MFAP1: variants seen among roughly 807,000 people sequenced by gnomAD.
MFAP1 encodes microfibrillar-associated protein 1.
A neutral mutation model predicts 62.2 loss-of-function variants in MFAP1; 18 were observed. The observed-to-expected ratio is 0.29, with a 90% CI of 0.20 to 0.43. MFAP1 has a LOEUF of 0.43. Among genes scored for constraint, MFAP1 ranks in the 20% least tolerant of loss-of-function variants. MFAP1 has a pLI of 1.00. For missense variants in MFAP1, 355 were observed against 559.7 expected (o/e 0.63, Z 3.69); for synonymous variants, 175 against 180.4 (o/e 0.97, Z 0.24).
chr15:43,819,289 TA>T (rs2087453172), intron 1 of MFAP1, among the ~76,000 whole-genome samples: 1 of 152,192 alleles, frequency 6.6e-6, no homozygotes, highest in African/African-American at 2.4e-5. Flanking sequence ...TTTTACTTTT[TA>T]AAATTTTATT....
At chr15:43,818,364 C>G (rs1287452751) in intron 1 of MFAP1, among the ~76,000 whole-genome samples, 1 of 152,052 alleles carries the variant, frequency 6.6e-6, no homozygotes. Flanking sequence ...GAAAACTAAC[C>G]AACTTATTTT....
chr15:43,813,372 T>A lies in MFAP1; in HGVS notation c.618-15A>T, dbSNP rs2087414951. 2 of 1,597,752 alleles carry A rather than the reference T, an allele frequency of 1.3e-6. No individual in the cohort carries two copies. The highest frequency in any genetic ancestry group is 1.7e-6 in the Non-Finnish European group (2 of 1,175,612). On this transcript the variant is annotated splice_polypyrimidine_tract_variant and intron_variant, in intron 4 of 8. Transcript: ENST00000267812. ...CTCGGTCCTTCCTGCATCACAGAGA[T>A]CCTGTTAATTGCCCAAAGTCCTTAG...
chr15:43,813,112 C>T lies in MFAP1; in HGVS notation c.762G>A (p.Glu254=). Residue 254 remains glutamate (E), a synonymous_variant, in exon 6 of 9, where the codon GAG becomes GAA. Coordinates refer to ENST00000267812, the MANE Select transcript of MFAP1 (RefSeq NM_005926.3). ...VEEETKKELE[E]NKRSLAALDA... ...CCAATGCAGCCAGGGATCGCTTGTT[C>T]TCTTCCAGCTCTTTTTTGGTTTCCT... 6.2e-7 allele frequency: 1 copy of T among 1,614,168 alleles called. No individual in the cohort carries two copies.
intron 7 of MFAP1, among the ~76,000 whole-genome samples, chr15:43,805,760 A>G (rs2087360305): frequency 6.6e-6 from 1 of 151,898 alleles, no homozygotes; most frequent in Non-Finnish European, 1.5e-5. Context: ...CTACAGGTGC[A>G]TGCCACCACA....
intron 2 of MFAP1, 140 bp from the exon 3 acceptor site, chr15:43,815,214 C>T: frequency 9.2e-7 from 1 of 1,083,360 alleles, no homozygotes; most frequent in Non-Finnish European, 1.3e-6. Flanking sequence ...GGGTCTTGCT[C>T]TGTCGCCCAG....
intron 1 of MFAP1, among the ~76,000 whole-genome samples, chr15:43,822,300 T>C (rs1448963825): frequency 3.4e-5 from 5 of 148,770 alleles, no homozygotes; most frequent in Admixed American, 3.4e-4. Flanking sequence ...GGGCAAAAAA[T>C]GTAAAAATCT....
At chr15:43,808,922 A>ATC in intron 7 of MFAP1, among the ~76,000 whole-genome samples, 1 of 152,262 alleles carries the variant, frequency 6.6e-6, no homozygotes, top group Non-Finnish European at 1.5e-5. Context: ...TCTTTATATG[A>ATC]AAAACAAAGA....
chr15:43,806,477 TCTA>T (rs774484161), intron 7 of MFAP1, among the ~76,000 whole-genome samples: 1 of 152,230 alleles, frequency 6.6e-6, no homozygotes, highest in Non-Finnish European at 1.5e-5. Flanking sequence ...TTAGTTTTCC[TCTA>T]CTATCAGTCT....
chr15:43,814,733 C>T (rs2087423732), intron 3 of MFAP1, 45 bp from the exon 4 acceptor site: 1 of 1,588,880 alleles, frequency 6.3e-7, no homozygotes, highest in Non-Finnish European at 8.6e-7. Context: ...TGGCCTATGG[C>T]TTTTTGTTCG....
intron 2 of MFAP1, among the ~76,000 whole-genome samples, 156 bp from the exon 3 acceptor site, chr15:43,815,230 A>G (rs1596057456): frequency 6.6e-6 from 1 of 151,908 alleles, no homozygotes; most frequent in Non-Finnish European, 1.5e-5. Context: ...CCCAGGCTGC[A>G]GTGCAGTGGT....
chr15:43,805,006 G>A lies in MFAP1; in HGVS notation c.*88C>T. The A allele has an allele frequency of 1.5e-6, 2 of 1,377,796 alleles. No homozygotes were observed. The highest frequency in any genetic ancestry group is 2.9e-5 in the South Asian group (2 of 69,894). 85.3% of individuals were successfully genotyped at this position (1,377,796 alleles called of 1,614,324 possible). ...GTAAGTCCAATATCTGGATACAGGG[G>A]CCAAGGAAACAATGAAAAAACCAAA... On this transcript the variant is annotated 3_prime_UTR_variant, in exon 9 of 9. Transcript: ENST00000267812.
At chr15:43,822,031 CAGA>C (rs1310504690) in intron 1 of MFAP1, among the ~76,000 whole-genome samples, 2 of 151,632 alleles carry the variant, frequency 1.3e-5, no homozygotes, top group Non-Finnish European at 2.9e-5. Flanking sequence ...ACAAAGCAAA[CAGA>C]AAGTGGGTAA....
At chr15:43,818,669 G>T (rs1172849096) in intron 1 of MFAP1, among the ~76,000 whole-genome samples, 3 of 152,068 alleles carry the variant, frequency 2.0e-5, no homozygotes, top group Non-Finnish European at 2.9e-5. Context: ...GAGGCAGGAG[G>T]ATTGCTTAAA....
At chr15:43,811,765 C>T (rs888825549) in intron 6 of MFAP1, among the ~76,000 whole-genome samples, 1 of 152,042 alleles carries the variant, frequency 6.6e-6, no homozygotes, top group Non-Finnish European at 1.5e-5. Context: ...GCCTCAGCCA[C>T]CCAAAGTGCT....
intron 2 of MFAP1, 110 bp from the exon 3 acceptor site, chr15:43,815,184 G>T: frequency 2.3e-5 from 27 of 1,180,042 alleles, no homozygotes; most frequent in South Asian, 3.1e-5. Context: ...TAATACTGAA[G>T]TTTTTTTTTT....
rs146216043 is a variant in MFAP1 at position 43,818,815 on chromosome 15, G to C, written c.80-1367C>G. ...AGGTGGGAGAATCACTGGAGCCCAG[G>C]AGGTTGAGGCTGCGGCAAGCCATGA... is the stretch of plus-strand genomic sequence containing the variant. On this transcript the variant is annotated intron_variant, in intron 1 of 8. Transcript: ENST00000267812. 5.5e-3 allele frequency among the ~76,000 whole-genome samples: 845 copies of C among 152,258 alleles called. 6 individuals carry two copies. The highest frequency in any genetic ancestry group is 0.019 in the African/African-American group (795 of 41,546).
In MFAP1 at chr15:43,805,368, C is replaced by A; in HGVS notation, c.1137+8G>T. On this transcript the variant is annotated splice_region_variant and intron_variant, in intron 8 of 8. Coordinates refer to ENST00000267812, the MANE Select transcript of MFAP1 (RefSeq NM_005926.3). ...TTTTCTCTGTCATGTTATTAAGGTT[C>A]CCCATACCTGCATGACTTTAGGAAG... 1 of 1,609,852 alleles carries A rather than the reference C, an allele frequency of 6.2e-7. No homozygotes were observed. The highest frequency in any genetic ancestry group is 8.5e-7 in the Non-Finnish European group (1 of 1,178,730).
At position 43,809,180 on chromosome 15, in the gene MFAP1, T is replaced by G. The variant is rs553761259; in HGVS notation, c.1047+575A>C. Among the ~76,000 whole-genome samples the G allele has an allele frequency of 2.6e-5, 4 of 152,258 alleles. No individual in the cohort carries two copies. The East Asian group carries it at 7.7e-4, about 29-fold the overall frequency. On this transcript the variant is annotated intron_variant, in intron 7 of 8. Transcript: ENST00000267812. ...GTACAGATCACTTCTCTATTTCATTTCCTCAATTTATCTAAGGCTGGGGAT... is the reference window on the plus strand; with the variant it reads ...GTACAGATCACTTCTCTATTTCATTGCCTCAATTTATCTAAGGCTGGGGAT...
chr15:43,819,785 A>C (rs985778297), intron 1 of MFAP1, among the ~76,000 whole-genome samples: 2 of 152,186 alleles, frequency 1.3e-5, no homozygotes, highest in African/African-American at 2.4e-5. Context: ...TGCCAGCCTC[A>C]GTATCATAAA....
Sources: gnomAD v4.1 joint callset for allele counts (sites outside exome capture counted in the v4.1 genomes callset) on GRCh38, gnomAD v4.1.1 for gene constraint, MANE v1.5 for transcripts, NCBI Gene and HGNC (gene_info 2026-07-23, HGNC 2026-07-21) for gene names.